The following SCMH1 variants were observed in gnomAD, a reference collection of about 807,000 sequenced individuals.
SCMH1 encodes the protein polycomb protein SCMH1.
A neutral mutation model predicts 70.8 loss-of-function variants in SCMH1; 37 were observed. The observed-to-expected ratio is 0.52, with a 90% confidence interval of 0.40 to 0.69. The LOEUF (loss-of-function observed/expected upper bound fraction) is 0.69, where lower values mean the gene tolerates loss of function less well. SCMH1 is among the 30% of genes least tolerant of loss of function. SCMH1 has a pLI of 0.00. For missense variants in SCMH1, 607 were observed against 827.3 expected, an observed-to-expected ratio of 0.73 and a Z score of 3.27; for synonymous variants, 292 against 307.4, an observed-to-expected ratio of 0.95 and a Z score of 0.52.
chr1:41,231,849 G>A (rs1486207093), intron 1 of SCMH1, among the ~76,000 whole-genome samples: 2 of 151,646 alleles, frequency 1.3e-5, no homozygotes, highest in East Asian at 1.9e-4. Flanking sequence ...AGCGAAACTC[G>A]GTCTCTATTA....
intron 6 of SCMH1, among the ~76,000 whole-genome samples, chr1:41,129,955 C>T (rs1674218017): frequency 6.6e-6 from 1 of 152,114 alleles, no homozygotes; most frequent in Admixed American, 6.5e-5. Context: ...CTACCAGCAA[C>T]AGACATTCCC....
chr1:41,058,762 G>A (rs138303672), intron 10 of SCMH1, among the ~76,000 whole-genome samples: 2 of 152,290 alleles, frequency 1.3e-5, no homozygotes, highest in Non-Finnish European at 2.9e-5. Context: ...TAAGTGCTTG[G>A]CAAATCTACA....
Position 41,075,529 on chromosome 1 carries a change from C to A in SCMH1, c.746-78G>T, listed in dbSNP as rs1658030631. 3 of 1,199,802 alleles carry A rather than the reference C, an allele frequency of 2.5e-6. No homozygotes were observed. In the South Asian group the frequency reaches 4.0e-5, roughly 16 times the overall value. 74.3% of individuals were successfully genotyped at this position (1,199,802 alleles called of 1,614,324 possible). ...CCAGCCAGAAGAAAAAAAGGACTTG[C>A]CACTTCTGCTCAGGTAGTTTTGTTC... is the stretch of plus-strand genomic sequence containing the variant. On this transcript the variant is annotated intron_variant, in intron 8 of 14. Transcript: ENST00000337495.
chr1:41,125,166 T>C (rs984579275), intron 6 of SCMH1, among the ~76,000 whole-genome samples: 2 of 152,180 alleles, frequency 1.3e-5, no homozygotes, highest in Non-Finnish European at 2.9e-5. Context: ...TGGTTACTCT[T>C]GCCTGACTCA....
intron 6 of SCMH1, among the ~76,000 whole-genome samples, chr1:41,141,265 A>G (rs1644046114): frequency 6.6e-6 from 1 of 152,246 alleles, no homozygotes; most frequent in Non-Finnish European, 1.5e-5. Flanking sequence ...CTGTTTTTGT[A>G]AATCAAGTTT....
intron 10 of SCMH1, among the ~76,000 whole-genome samples, chr1:41,056,011 G>C (rs1650133686): frequency 6.6e-6 from 1 of 152,162 alleles, no homozygotes; most frequent in Non-Finnish European, 1.5e-5. Flanking sequence ...TTTAAAATAT[G>C]GCCCATATTA....
intron 4 of SCMH1, among the ~76,000 whole-genome samples, chr1:41,152,399 C>T (rs191648427): frequency 2.7e-3 from 405 of 152,280 alleles, no homozygotes; most frequent in South Asian, 4.6e-3. Context: ...AATCTTTTAG[C>T]CTCTTGAACT....
At chr1:41,236,514 A>G (rs10493093) in intron 1 of SCMH1, among the ~76,000 whole-genome samples, 37,719 of 152,074 alleles carry the variant, frequency 0.25, 5,260 homozygotes, top group Non-Finnish European at 0.31. Flanking sequence ...AGCCAGGTCA[A>G]AATAAGAATA....
intron 4 of SCMH1, among the ~76,000 whole-genome samples, chr1:41,157,850 C>A (rs1181067010): frequency 6.6e-6 from 1 of 152,198 alleles, no homozygotes; most frequent in South Asian, 2.1e-4. Flanking sequence ...CACATCATAT[C>A]ACCATAATTA....
intron 6 of SCMH1, among the ~76,000 whole-genome samples, chr1:41,133,962 G>A (rs565878836): frequency 2.6e-5 from 4 of 152,046 alleles, no homozygotes; most frequent in South Asian, 4.1e-4. Flanking sequence ...ATACCAAAGC[G>A]TAGCAGAGAC....
intron 6 of SCMH1, among the ~76,000 whole-genome samples, chr1:41,127,773 T>G (rs960972019): frequency 6.6e-6 from 1 of 151,954 alleles, no homozygotes; most frequent in African/African-American, 2.4e-5. Flanking sequence ...GAGGAAGAGC[T>G]CTCTTCCTCC....
At chr1:41,147,101 A>C (rs1644652402) in intron 5 of SCMH1, among the ~76,000 whole-genome samples, 1 of 152,206 alleles carries the variant, frequency 6.6e-6, no homozygotes. Context: ...CCATTTAAAT[A>C]AATGTATAGT....
intron 1 of SCMH1, among the ~76,000 whole-genome samples, chr1:41,228,542 G>GGAGGCT (rs1660694833): frequency 3.3e-5 from 5 of 152,102 alleles, no homozygotes; most frequent in Admixed American, 3.3e-4. Context: ...CAGCAGTTTG[G>GGAGGCT]GAGGCTGAGG....
At chr1:41,084,454 G>T (rs376819518) in intron 8 of SCMH1, among the ~76,000 whole-genome samples, 7 of 152,126 alleles carry the variant, frequency 4.6e-5, no homozygotes, top group Admixed American at 3.3e-4. Context: ...TTAGAATGGC[G>T]ATCATTAAAA....
chr1:41,037,522 C>G (rs530088961), exon 13 of SCMH1: 1 of 1,613,940 alleles, frequency 6.2e-7, no homozygotes, highest in African/African-American at 1.3e-5. Flanking sequence ...CCAGACTATT[C>G]CCCAGGACAA....
intron 6 of SCMH1, among the ~76,000 whole-genome samples, chr1:41,127,546 C>T (rs1673517181): frequency 2.6e-5 from 4 of 152,176 alleles, no homozygotes; most frequent in Admixed American, 2.0e-4. Flanking sequence ...TTCCTAATGG[C>T]TATTAACTTA....
intron 10 of SCMH1, among the ~76,000 whole-genome samples, chr1:41,061,229 G>T (rs1431953809): frequency 6.6e-6 from 1 of 152,114 alleles, no homozygotes; most frequent in Non-Finnish European, 1.5e-5. Flanking sequence ...AAGATCACCA[G>T]GTTAGGAGGA....
At chr1:41,057,878 T>TGG (rs1258706166) in intron 10 of SCMH1, among the ~76,000 whole-genome samples, 1 of 151,822 alleles carries the variant, frequency 6.6e-6, no homozygotes, top group Admixed American at 6.6e-5. Context: ...TAGCACTTTG[T>TGG]GGGGGGTCAA....
intron 2 of SCMH1, among the ~76,000 whole-genome samples, chr1:41,182,401 A>AT (rs796440595): frequency 3.3e-5 from 5 of 152,338 alleles, no homozygotes; most frequent in African/African-American, 1.2e-4. Context: ...AATGAACAAA[A>AT]TAACAGTTAA....
Sources: allele counts gnomAD v4.1 joint callset (sites outside exome capture counted in the v4.1 genomes callset), GRCh38; gene constraint gnomAD v4.1.1; transcripts MANE v1.5; gene names NCBI Gene and HGNC (gene_info 2026-07-23, HGNC 2026-07-21).